The following DOCK1 variants were observed in gnomAD, a reference collection of about 807,000 sequenced individuals.
DOCK1 encodes the protein dedicator of cytokinesis protein 1.
In DOCK1, 138 loss-of-function variants were observed where a neutral mutation model predicts 262.7. That is an observed-to-expected ratio of 0.53 (90% CI 0.46 to 0.61). The LOEUF (loss-of-function observed/expected upper bound fraction) is 0.61. DOCK1 is among the 20% of genes least tolerant of loss of function. DOCK1 has a pLI of 0.00. For missense variants in DOCK1, 1,908 were observed against 2,370.7 expected (o/e 0.80, Z 4.05); for synonymous variants, 866 against 867.4 (o/e 1.00, Z 0.03).
chr10:127,260,826 T>C (rs1247124108), intron 29 of DOCK1, among the ~76,000 whole-genome samples: 8 of 147,298 alleles, frequency 5.4e-5, no homozygotes, highest in African/African-American at 2.0e-4. Context: ...TGCATGTGTG[T>C]GCATGGGTGT....
intron 1 of DOCK1, among the ~76,000 whole-genome samples, chr10:126,932,809 G>A (rs1245680856): frequency 2.6e-5 from 4 of 152,098 alleles, no homozygotes; most frequent in Non-Finnish European, 4.4e-5. Context: ...TTGACATTTG[G>A]TTCAATTACT....
intron 23 of DOCK1, among the ~76,000 whole-genome samples, chr10:127,095,331 C>A (rs2047843663): frequency 1.3e-5 from 2 of 152,186 alleles, no homozygotes. Flanking sequence ...CTGACCCTTC[C>A]TGTTCTTTTA....
intron 1 of DOCK1, among the ~76,000 whole-genome samples, chr10:126,947,716 GGTGGTTGGTAGTATTA>G: frequency 6.7e-6 from 1 of 148,650 alleles, no homozygotes; most frequent in Non-Finnish European, 1.5e-5. Context: ...TGGTGATGGT[GGTGGTTGGTAGTATTA>G]CTGTTGGTGG....
At position 127,024,552 on chromosome 10, in the gene DOCK1, A is replaced by G. The variant is rs1024888565; in HGVS notation, c.1453-133A>G. 16 of 693,454 alleles carry G rather than the reference A, an allele frequency of 2.3e-5. No individual in the cohort carries two copies. In the African/African-American group the frequency reaches 2.5e-4, roughly 11 times the overall value. The allele number at this position is 693,454 out of a possible 1,614,324, so 43.0% of individuals were successfully genotyped here. On this transcript the variant is annotated intron_variant, in intron 14 of 51. Transcript: ENST00000623213. Reference sequence around the variant, plus strand: ...GTGGATCTGTGCTTCCCTTGCTGGGAACGTGTTCATTTGTGGTGGGGGTGT... The same window carrying G: ...GTGGATCTGTGCTTCCCTTGCTGGGGACGTGTTCATTTGTGGTGGGGGTGT...
At chr10:127,199,932 G>A (rs2057378493) in intron 27 of DOCK1, among the ~76,000 whole-genome samples, 1 of 152,152 alleles carries the variant, frequency 6.6e-6, no homozygotes, top group Non-Finnish European at 1.5e-5. Context: ...CCTCTCCAGT[G>A]TGCAAGGCAG....
chr10:127,261,117 ATGTG>A (rs577243152), intron 29 of DOCK1, among the ~76,000 whole-genome samples: 1 of 92,674 alleles, frequency 1.1e-5, no homozygotes, highest in Admixed American at 1.2e-4. Context: ...ATGTGTGTGC[ATGTG>A]TGTGTGCCTG....
At chr10:127,049,806 A>G (rs942663908) in intron 21 of DOCK1, among the ~76,000 whole-genome samples, 1 of 152,152 alleles carries the variant, frequency 6.6e-6, no homozygotes, top group African/African-American at 2.4e-5. Context: ...CAAAATTTCA[A>G]GATTTATTAT....
intron 27 of DOCK1, among the ~76,000 whole-genome samples, chr10:127,139,409 C>T (rs2051010647): frequency 1.3e-5 from 2 of 151,978 alleles, no homozygotes; most frequent in Non-Finnish European, 2.9e-5. Flanking sequence ...AAAAAAATTG[C>T]CAGAGAAGTT....
At chr10:127,284,179 T>A (rs2061065013) in intron 29 of DOCK1, among the ~76,000 whole-genome samples, 1 of 152,210 alleles carries the variant, frequency 6.6e-6, no homozygotes, top group Non-Finnish European at 1.5e-5. Flanking sequence ...TCTTGAGAAC[T>A]GTCTTAACAT....
intron 31 of DOCK1, among the ~76,000 whole-genome samples, chr10:127,351,894 C>T (rs916160115): frequency 3.9e-5 from 6 of 151,994 alleles, no homozygotes; most frequent in Non-Finnish European, 8.8e-5. Context: ...GGCCCTTCCC[C>T]TCACAGCTCC....
intron 1 of DOCK1, among the ~76,000 whole-genome samples, chr10:126,927,677 TC>T (rs1477673306): frequency 6.6e-6 from 1 of 152,178 alleles, no homozygotes; most frequent in Non-Finnish European, 1.5e-5. Flanking sequence ...CCTCAGGTGA[TC>T]CGCCCACCTC....
intron 23 of DOCK1, among the ~76,000 whole-genome samples, chr10:127,086,165 C>A (rs1354465517): frequency 7.1e-6 from 1 of 140,526 alleles, no homozygotes; most frequent in East Asian, 2.3e-4. Context: ...CAGTCCTGTT[C>A]TGTGCTGCTG....
chr10:127,318,894 G>T (rs1047812760), intron 29 of DOCK1, among the ~76,000 whole-genome samples: 1 of 152,218 alleles, frequency 6.6e-6, no homozygotes, highest in Non-Finnish European at 1.5e-5. Context: ...CTGAAAGGCT[G>T]CATTGCTGTG....
Position 127,008,759 on chromosome 10 carries a change from G to A in DOCK1, c.1013G>A (p.Gly338Glu). The A allele has an allele frequency of 6.3e-7, 1 of 1,599,332 alleles. No individual in the cohort carries two copies. The highest frequency in any genetic ancestry group is 8.5e-7 in the Non-Finnish European group (1 of 1,172,348). ...ATGGATGTAACAGATATAATAAATG[G>A]AAAAGTAGATGATGAAGATAAGCAG... ...AVMDVTDIIN[G>E]KVDDEDKQHF... Residue 338 changes from glycine to glutamate, a missense_variant, in exon 11 of 52, where the codon GGA (glycine) becomes GAA (glutamate). Physicochemically the swap from Gly to Glu is moderately conservative, Grantham distance 98. Coordinates refer to ENST00000623213, the MANE Select transcript of DOCK1 (RefSeq NM_001290223.2).
chr10:127,404,869 C>G (rs1055725406), intron 40 of DOCK1, among the ~76,000 whole-genome samples: 1 of 152,132 alleles, frequency 6.6e-6, no homozygotes, highest in African/African-American at 2.4e-5. Context: ...TCCTGCCAGC[C>G]CCAGCAGCCA....
chr10:127,135,061 G>GC, intron 27 of DOCK1, among the ~76,000 whole-genome samples: 1 of 152,336 alleles, frequency 6.6e-6, no homozygotes, highest in South Asian at 2.1e-4. Flanking sequence ...GGCCATGGAG[G>GC]CAAGATTTAC....
At chr10:127,367,851 G>T (rs529080221) in intron 33 of DOCK1, among the ~76,000 whole-genome samples, 1 of 152,132 alleles carries the variant, frequency 6.6e-6, no homozygotes, top group Non-Finnish European at 1.5e-5. Context: ...TGCCTGTGGG[G>T]TTTCTTTTCC....
chr10:127,088,193 A>G (rs963130939), intron 23 of DOCK1, among the ~76,000 whole-genome samples: 2 of 152,206 alleles, frequency 1.3e-5, no homozygotes, highest in African/African-American at 4.8e-5. Flanking sequence ...ATCATCAAAC[A>G]CCAAACCTTT....
chr10:127,435,201 A>T (rs1430989844), intron 48 of DOCK1, among the ~76,000 whole-genome samples: 1 of 152,226 alleles, frequency 6.6e-6, no homozygotes, highest in African/African-American at 2.4e-5. Flanking sequence ...AAAATGTTGC[A>T]TGCAATTTAA....
Sources: allele counts gnomAD v4.1 joint callset (sites outside exome capture counted in the v4.1 genomes callset), GRCh38; gene constraint gnomAD v4.1.1; transcripts MANE v1.5; gene names NCBI Gene and HGNC (gene_info 2026-07-23, HGNC 2026-07-21).